Variants in NID2 observed in about 807,000 individuals in gnomAD.
The protein encoded by NID2 is nidogen 2.
Under a neutral mutation model 145.4 loss-of-function variants are expected in NID2, and 83 were observed. That is an observed-to-expected ratio of 0.57 (90% CI 0.48 to 0.69). The LOEUF (loss-of-function observed/expected upper bound fraction) is 0.69. Among genes scored for constraint, NID2 ranks in the 30% least tolerant of loss-of-function variants. The pLI, the probability that NID2 is intolerant of heterozygous loss-of-function variation, is 0.00. For synonymous variants in NID2, 739 were observed against 701.3 expected (o/e 1.05, Z -0.85); for missense variants, 1,807 against 1,765.7 (o/e 1.02, Z -0.42).
chr14:52,010,810 T>C, intron 18 of NID2, 66 bp downstream of exon 18: 7 of 1,521,466 alleles, frequency 4.6e-6, no homozygotes, highest in Non-Finnish European at 6.3e-6. Context: ...CCACATTGTA[T>C]TTAAAACCCA....
At chr14:52,062,586 A>G (rs1595057792) in intron 2 of NID2, among the ~76,000 whole-genome samples, 1 of 152,188 alleles carries the variant, frequency 6.6e-6, no homozygotes, top group African/African-American at 2.4e-5. Flanking sequence ...AAAAAACCCC[A>G]TTTCAAAAAG....
At chr14:52,057,274 C>CGG (rs1892880555) in intron 3 of NID2, among the ~76,000 whole-genome samples, 6 of 152,186 alleles carry the variant, frequency 3.9e-5, no homozygotes, top group Admixed American at 3.9e-4. Flanking sequence ...AATGCCTGAG[C>CGG]TCAAGCAATC....
Position 52,033,561 on chromosome 14 carries a change from C to T in NID2, c.2258-3871G>A, listed in dbSNP as rs76970921. ...GTTCTGCATCCTCGCCCTGGGAAGTCGCACCACACCCACATCAGGTGTGGA... is the reference window on the plus strand; with the variant it reads ...GTTCTGCATCCTCGCCCTGGGAAGTTGCACCACACCCACATCAGGTGTGGA... On this transcript the variant is annotated intron_variant, in intron 9 of 21. Transcript: ENST00000216286. Among the ~76,000 whole-genome samples, 1,054 of 152,296 alleles carry T rather than the reference C, an allele frequency of 6.9e-3. 29 individuals are homozygous for T. Among genetic ancestry groups the T allele is most frequent in the East Asian group, 0.053 (272 of 5,174 alleles).
chr14:52,007,492 TC>T (rs1277175679), intron 19 of NID2: 1 of 314,216 alleles, frequency 3.2e-6, no homozygotes, highest in Non-Finnish European at 5.9e-6. Context: ...AGTGACCCTC[TC>T]CCCGCATAAG....
At chr14:52,052,711 G>T (rs1022650370) in intron 5 of NID2, among the ~76,000 whole-genome samples, 1 of 152,142 alleles carries the variant, frequency 6.6e-6, no homozygotes, top group Admixed American at 6.5e-5. Flanking sequence ...AAACAGAAAA[G>T]GTGGAAAAAC....
rs542130340 is a variant in NID2, at chr14:52,006,195, C to T, written c.4004+342G>A. 2.8e-4 allele frequency: 109 copies of T among 395,380 alleles called. No homozygotes were observed. In the South Asian group the frequency reaches 2.9e-3, roughly 10 times the overall value. The allele number at this position is 395,380 out of a possible 1,614,324, so 24.5% of individuals were successfully genotyped here. A position where few individuals can be genotyped will look rare whatever the true frequency, so the allele number is the denominator to read the frequency against. The stretch of plus-strand genomic sequence containing the variant: ...CCACAGTGTCAAAAGCCAACTTAAG[C>T]CCTGTAATATAGCTCATGGTATCAA... On this transcript the variant is annotated intron_variant, in intron 20 of 21. Transcript: ENST00000216286.
At chr14:52,034,070 T>A (rs1011717878) in intron 9 of NID2, among the ~76,000 whole-genome samples, 2 of 152,156 alleles carry the variant, frequency 1.3e-5, no homozygotes, top group Non-Finnish European at 2.9e-5. Context: ...AGTTAATTCA[T>A]GTAAGGTGCT....
intron 5 of NID2, among the ~76,000 whole-genome samples, chr14:52,048,188 A>C (rs1385820848): frequency 6.6e-6 from 1 of 152,230 alleles, no homozygotes; most frequent in Admixed American, 6.5e-5. Context: ...TGGCCACCTG[A>C]GAAGCTGAGC....
chr14:52,011,782 T>C lies in NID2; in HGVS notation c.3421-99A>G, dbSNP rs1891040287. On this transcript the variant is annotated intron_variant, in intron 16 of 21. Transcript: ENST00000216286. ...CATGCACAGCTGCAGTGAGCAACAC[T>C]GCACTGTGATCCTGCAGGCAACAGA... 1.4e-5 allele frequency: 20 copies of C among 1,388,928 alleles called. No homozygotes were observed. In the East Asian group the frequency reaches 4.1e-4, roughly 29 times the overall value. The allele number at this position is 1,388,928 out of a possible 1,614,324, so 86.0% of individuals were successfully genotyped here. A position where few individuals can be genotyped will look rare whatever the true frequency, so the allele number is the denominator to read the frequency against.
In NID2 at chr14:52,040,821, G is replaced by C. The variant is rs370961051; in HGVS notation, c.1856C>G (p.Thr619Arg). Reference sequence around the variant, plus strand: ...AACCGTCTCCTCTCCCGGGTAGAATGTAACTTCCATGTCATGGGTAAAGGC... The same window carrying C: ...AACCGTCTCCTCTCCCGGGTAGAATCTAACTTCCATGTCATGGGTAAAGGC... ...GAAFTHDMEV[T>R]FYPGEETVRI... The change falls in exon 8 of 22, where the codon ACA becomes AGA. Residue 619 changes from threonine to arginine, a missense_variant. Transcript: ENST00000216286. 1 of 1,614,184 alleles carries C rather than the reference G, an allele frequency of 6.2e-7. No individual in the cohort carries two copies. The highest frequency in any genetic ancestry group is 8.5e-7 in the Non-Finnish European group (1 of 1,180,028).
Position 52,042,789 on chromosome 14 carries a change from C to A in NID2, c.1572G>T (p.Leu524=), listed in dbSNP as rs1339546965. The change falls in exon 6 of 22, where the codon CTG becomes CTT. Residue 524 remains leucine, a synonymous_variant. Transcript: ENST00000216286. ...SKFYGNGKHC[L]PEGAPHRVNG... The stretch of plus-strand genomic sequence containing the variant: ...CTGGCCCCAGTCAATTACCTTCAGG[C>A]AGACAGTGCTTCCCATTTCCATAAA... 2.5e-6 allele frequency: 4 copies of A among 1,614,020 alleles called. No homozygotes were observed. The highest frequency in any genetic ancestry group is 3.4e-6 in the Non-Finnish European group (4 of 1,179,916).
At chr14:52,068,280 G>A (rs1159119995) in intron 1 of NID2, 117 bp from the exon 2 acceptor site, 3 of 958,436 alleles carry the variant, frequency 3.1e-6, no homozygotes, top group South Asian at 2.9e-5. Flanking sequence ...CTTCCCCACT[G>A]GCCAGGGAGT....
intron 5 of NID2, among the ~76,000 whole-genome samples, chr14:52,045,275 G>A (rs200974875): frequency 2.0e-5 from 3 of 152,264 alleles, no homozygotes; most frequent in East Asian, 3.9e-4. Context: ...TAGCAGCAGC[G>A]GCATTAGCTT....
chr14:52,035,369 A>G (rs937092790), intron 9 of NID2, among the ~76,000 whole-genome samples: 1 of 152,202 alleles, frequency 6.6e-6, no homozygotes, highest in Non-Finnish European at 1.5e-5. Flanking sequence ...ATGATTCTGT[A>G]TGTAGCCTTT....
chr14:52,022,125 C>G lies in NID2; in HGVS notation c.2675-1947G>C, dbSNP rs554085866. ...AGTTTCTTATTGTTACTTTTGAACTCAAGAGAGAGGGGATTCCCCAGAGCT... is the reference window on the plus strand; with the variant it reads ...AGTTTCTTATTGTTACTTTTGAACTGAAGAGAGAGGGGATTCCCCAGAGCT... On this transcript the variant is annotated intron_variant, in intron 12 of 21. Transcript: ENST00000216286. Among the ~76,000 whole-genome samples the G allele has an allele frequency of 3.9e-5, 6 of 152,226 alleles. No individual in the cohort carries two copies. In the South Asian group the frequency reaches 1.2e-3, roughly 32 times the overall value.
At chr14:52,025,661 C>A (rs1208781127) in intron 12 of NID2, among the ~76,000 whole-genome samples, 1 of 152,156 alleles carries the variant, frequency 6.6e-6, no homozygotes, top group Admixed American at 6.5e-5. Flanking sequence ...TGCAGGACAT[C>A]ACATGGTGAG....
At chr14:52,047,729 C>T (rs1892553174) in intron 5 of NID2, among the ~76,000 whole-genome samples, 1 of 152,084 alleles carries the variant, frequency 6.6e-6, no homozygotes. Flanking sequence ...CTGCCAGTTA[C>T]TGAGATAGGG....
rs1223449223 is a variant in NID2 at position 52,054,263 on chromosome 14, A to T, written c.826T>A (p.Leu276Met). ...ACTGCAGCTGGCCTGACATTGTCCA[A>T]CGGGGAAGTGCTGCCGATATGGAAA... ...WAFHIGSTSP[L>M]DNVRPAAVGD... Residue 276 changes from leucine to methionine, a missense_variant, in exon 4 of 22, where the codon TTG (leucine) becomes ATG (methionine). Coordinates refer to ENST00000216286, the MANE Select transcript of NID2 (RefSeq NM_007361.4). 22 of 1,614,186 alleles carry T rather than the reference A, an allele frequency of 1.4e-5. No individual in the cohort carries two copies. Among genetic ancestry groups the T allele is most frequent in the Non-Finnish European group, 1.9e-5 (22 of 1,180,022 alleles).
intron 16 of NID2, 91 bp from the exon 17 acceptor site, chr14:52,011,774 A>T: frequency 5.6e-6 from 8 of 1,421,404 alleles, no homozygotes; most frequent in Non-Finnish European, 7.8e-6. Context: ...AGCTGCAGTG[A>T]GCAACACTGC....
Sources: gnomAD v4.1 joint callset for allele counts (sites outside exome capture counted in the v4.1 genomes callset) on GRCh38, gnomAD v4.1.1 for gene constraint, MANE v1.5 for transcripts, NCBI Gene and HGNC (gene_info 2026-07-23, HGNC 2026-07-21) for gene names.